Variants in AHI1 observed in about 807,000 individuals in gnomAD.
AHI1 encodes jouberin.
AHI1 carries 123 observed loss-of-function variants against 149.3 expected under a neutral mutation model. That is an observed-to-expected ratio of 0.82 (90% CI 0.71 to 0.96). The LOEUF is 0.96. AHI1 is among the 40% of genes least tolerant of loss of function. The pLI, the probability that AHI1 is intolerant of heterozygous loss-of-function variation, is 0.00. For synonymous variants in AHI1, 475 were observed against 459.8 expected (o/e 1.03, Z -0.42); for missense variants, 1,439 against 1,422.7 (o/e 1.01, Z -0.18).
intron 27 of AHI1, among the ~76,000 whole-genome samples, chr6:135,295,500 G>GACTTGTAT (rs1435543993): frequency 6.6e-6 from 1 of 152,090 alleles, no homozygotes; most frequent in African/African-American, 2.4e-5. Context: ...TTCACACAAA[G>GACTTGTAT]ACTTGTATAT....
At position 135,433,167 on chromosome 6, in the gene AHI1, A is replaced by G. The variant is rs1053480269; in HGVS notation, c.2126T>C (p.Val709Ala). The change falls in exon 16 of 29, where the codon GTA becomes GCA. Residue 709 changes from valine (V) to alanine (A), a missense_variant. By Grantham distance (64) the Val-to-Ala change is moderately conservative. Transcript: ENST00000265602. ...FVYTAKFHPA[V>A]RELVVTGCYD... ...GCATCCTGTAACTACTAGCTCTCTT[A>G]CAGCTGGATGGAATTTAGCCGTGTA... 6.2e-7 allele frequency: 1 copy of G among 1,613,096 alleles called. No individual in the cohort carries two copies. The highest frequency in any genetic ancestry group is 1.3e-5 in the African/African-American group (1 of 74,924).
intron 5 of AHI1, among the ~76,000 whole-genome samples, chr6:135,478,444 GAT>G (rs1481685829): frequency 6.6e-6 from 1 of 152,196 alleles, no homozygotes; most frequent in African/African-American, 2.4e-5. Flanking sequence ...CTGCTCTAGA[GAT>G]ATGCAGAGCA....
chr6:135,427,066 T>C (rs1446187800), intron 20 of AHI1, 101 bp downstream of exon 20: 2 of 1,177,686 alleles, frequency 1.7e-6, no homozygotes, highest in East Asian at 2.6e-5. Context: ...ACAATTATTA[T>C]GTGTACTTTT....
At chr6:135,329,233 T>G (rs955492626) in intron 24 of AHI1, among the ~76,000 whole-genome samples, 1 of 152,162 alleles carries the variant, frequency 6.6e-6, no homozygotes, top group Non-Finnish European at 1.5e-5. Flanking sequence ...AGACTTATAT[T>G]GGAAGAAGAT....
rs2143793 is a variant in AHI1, at chr6:135,364,861, T to G, written c.3110-6674A>C. Among the ~76,000 whole-genome samples the G allele has an allele frequency of 1.3e-3, 193 of 152,116 alleles. 1 individual carries two copies. The highest frequency in any genetic ancestry group is 4.4e-3 in the African/African-American group (181 of 41,520). On this transcript the variant is annotated intron_variant, in intron 23 of 28. Transcript: ENST00000265602. ...GCAGCAGTACCGTCCAGCTTCGGCT[T>G]GGCATCAGAGGGAGACCGTGGAAAG...
intron 11 of AHI1, among the ~76,000 whole-genome samples, chr6:135,453,097 C>T (rs1788385471): frequency 1.3e-5 from 2 of 152,102 alleles, no homozygotes; most frequent in Non-Finnish European, 1.5e-5. Flanking sequence ...AATGGCATGG[C>T]TGTTTGTGTC....
At chr6:135,350,424 C>G (rs1190340787) in intron 24 of AHI1, among the ~76,000 whole-genome samples, 1 of 152,168 alleles carries the variant, frequency 6.6e-6, no homozygotes, top group South Asian at 2.1e-4. Context: ...TAGGCCGGCT[C>G]TCTGTTCTTA....
chr6:135,489,584 GCACTAGTAC>G (rs1392573784), intron 5 of AHI1, among the ~76,000 whole-genome samples: 1 of 152,008 alleles, frequency 6.6e-6, no homozygotes, highest in Non-Finnish European at 1.5e-5. Context: ...ACCATATTGT[GCACTAGTAC>G]CACCAGAAAA....
intron 26 of AHI1, chr6:135,302,190 C>T: frequency 2.0e-6 from 2 of 985,356 alleles, no homozygotes; most frequent in Non-Finnish European, 2.4e-6. Flanking sequence ...ATTTTTCTCT[C>T]TTTGCCCATG....
intron 20 of AHI1, among the ~76,000 whole-genome samples, chr6:135,422,317 T>C (rs1044833061): frequency 6.6e-6 from 1 of 152,016 alleles, no homozygotes; most frequent in African/African-American, 2.4e-5. Context: ...AGGCCTAGGA[T>C]TGTCTCAAAC....
rs138547309 is a variant in AHI1, at chr6:135,351,232, T to G, written c.3165+6900A>C. 4.4e-3 allele frequency among the ~76,000 whole-genome samples: 665 copies of G among 152,310 alleles called. 8 individuals carry two copies. Among genetic ancestry groups the G allele is most frequent in the African/African-American group, 0.015 (624 of 41,556 alleles). ...CAGGTTTCCTTGTTCCTGATCTCCT[T>G]GACCTAACTGGGATCCTTCCTTGGG... is the stretch of plus-strand genomic sequence containing the variant. On this transcript the variant is annotated intron_variant, in intron 24 of 28. Transcript: ENST00000265602.
intron 20 of AHI1, among the ~76,000 whole-genome samples, chr6:135,420,604 G>A (rs1322552031): frequency 6.6e-6 from 1 of 152,094 alleles, no homozygotes. Flanking sequence ...TCATGAATGA[G>A]CCGCTGCTAG....
At chr6:135,458,361 A>G (rs1225215003) in intron 8 of AHI1, among the ~76,000 whole-genome samples, 1 of 152,180 alleles carries the variant, frequency 6.6e-6, no homozygotes, top group African/African-American at 2.4e-5. Flanking sequence ...CACAGGACTA[A>G]AATGATAAAA....
intron 23 of AHI1, among the ~76,000 whole-genome samples, chr6:135,363,887 G>A (rs561098194): frequency 0.011 from 1,564 of 144,772 alleles, 25 homozygotes; most frequent in African/African-American, 0.038. Context: ...CTGGCCGGAC[G>A]GGGGGCTGAC....
At chr6:135,422,774 G>A (rs891800344) in intron 20 of AHI1, among the ~76,000 whole-genome samples, 3 of 151,606 alleles carry the variant, frequency 2.0e-5, no homozygotes, top group African/African-American at 7.3e-5. Context: ...ACAAGTGTGA[G>A]CCACCACACC....
chr6:135,288,538 C>G (rs1474424313), intron 28 of AHI1, among the ~76,000 whole-genome samples: 5 of 151,896 alleles, frequency 3.3e-5, no homozygotes, highest in Non-Finnish European at 7.4e-5. Context: ...AATCTTACTA[C>G]TCAGATAATT....
At position 135,394,855 on chromosome 6, in the gene AHI1, G is replaced by A; in HGVS notation, c.3030C>T (p.Ser1010=). Residue 1010 remains serine (S), a synonymous_variant, in exon 23 of 29, where the codon TCC becomes TCT. Coordinates refer to ENST00000265602, the MANE Select transcript of AHI1 (RefSeq NM_001134831.2). ...NLSFTSPPAV[S]SQQSKLKQSN... is the part of the protein sequence containing the mutation. ...ACTGCTTTAACTTAGACTGTTGTGA[G>A]GAAACTGCTGGTGGTGAAGTAAATG... 3 of 1,604,730 alleles carry A rather than the reference G, an allele frequency of 1.9e-6. No individual in the cohort carries two copies. Among genetic ancestry groups the A allele is most frequent in the Non-Finnish European group, 2.6e-6 (3 of 1,174,984 alleles).
chr6:135,453,278 A>G, intron 11 of AHI1, 63 bp downstream of exon 11: 1 of 1,275,918 alleles, frequency 7.8e-7, no homozygotes, highest in Non-Finnish European at 1.1e-6. Context: ...CTGATTTGGG[A>G]GAAAGCAGCC....
intron 14 of AHI1, among the ~76,000 whole-genome samples, chr6:135,442,031 A>C (rs1334903380): frequency 6.6e-6 from 1 of 152,172 alleles, no homozygotes; most frequent in African/African-American, 2.4e-5. Context: ...TCAGAAGTAA[A>C]GGAGAGAGTA....
Sources: gnomAD v4.1 joint callset for allele counts (sites outside exome capture counted in the v4.1 genomes callset) on GRCh38, gnomAD v4.1.1 for gene constraint, MANE v1.5 for transcripts, NCBI Gene and HGNC (gene_info 2026-07-23, HGNC 2026-07-21) for gene names.